Variants in CEP170 observed in about 807,000 individuals in gnomAD.
The protein encoded by CEP170 is centrosomal protein 170, also known as centrosomal protein of 170 kDa.
Under a neutral mutation model 151.9 loss-of-function variants are expected in CEP170, and 21 were observed. The ratio of observed to expected loss-of-function variants is 0.14; its 90% CI spans 0.10 to 0.20. The LOEUF is 0.20. Ranked by LOEUF, CEP170 falls within the 10% of genes least tolerant of loss-of-function variation. CEP170 has a pLI of 1.00. For synonymous variants in CEP170, 356 were observed against 648.8 expected (o/e 0.55, Z 6.86); for missense variants, 964 against 1,892.9 (o/e 0.51, Z 9.11).
At chr1:243,167,519 T>C (rs1224610832) in intron 12 of CEP170, among the ~76,000 whole-genome samples, 1 of 151,790 alleles carries the variant, frequency 6.6e-6, no homozygotes, top group Non-Finnish European at 1.5e-5. Context: ...TTCCTGACTA[T>C]TAAAAATGGA....
intron 13 of CEP170, among the ~76,000 whole-genome samples, chr1:243,157,511 G>GA (rs1046392134): frequency 2.6e-5 from 4 of 151,818 alleles, no homozygotes; most frequent in African/African-American, 7.3e-5. Flanking sequence ...AAATATTTTT[G>GA]AAAAAAATGT....
At chr1:243,239,977 C>A (rs1343156482) in intron 1 of CEP170, among the ~76,000 whole-genome samples, 5 of 152,256 alleles carry the variant, frequency 3.3e-5, no homozygotes, top group African/African-American at 1.2e-4. Context: ...GGCCAATAGC[C>A]ATACTAGAAA....
At chr1:243,226,211 C>CCTA (rs2063288741) in intron 1 of CEP170, among the ~76,000 whole-genome samples, 1 of 126,844 alleles carries the variant, frequency 7.9e-6, no homozygotes, top group African/African-American at 3.3e-5. Context: ...ATATATATAT[C>CCTA]TATAGAGAGA....
At chr1:243,232,093 G>A (rs2063818669) in intron 1 of CEP170, among the ~76,000 whole-genome samples, 1 of 151,988 alleles carries the variant, frequency 6.6e-6, no homozygotes, top group Admixed American at 6.6e-5. Context: ...ACCTTCTTGA[G>A]TAACGGGGAC....
chr1:243,238,295 A>T (rs1025577778), intron 1 of CEP170, among the ~76,000 whole-genome samples: 4 of 151,948 alleles, frequency 2.6e-5, no homozygotes, highest in East Asian at 3.9e-4. Flanking sequence ...ACAAAAAAAT[A>T]AAAAAAATAA....
intron 16 of CEP170, among the ~76,000 whole-genome samples, chr1:243,137,910 G>T (rs896845197): frequency 5.9e-5 from 9 of 151,864 alleles, no homozygotes; most frequent in Admixed American, 2.6e-4. Context: ...GGTAATAAAA[G>T]TTTATTTAGG....
chr1:243,215,497 C>T (rs1380085133), intron 3 of CEP170, among the ~76,000 whole-genome samples: 3 of 152,112 alleles, frequency 2.0e-5, no homozygotes, highest in Non-Finnish European at 4.4e-5. Flanking sequence ...CTGTCTTTTA[C>T]GGTTGGAGAT....
chr1:243,212,668 T>A (rs1446117260), intron 3 of CEP170, among the ~76,000 whole-genome samples: 1 of 142,562 alleles, frequency 7.0e-6, no homozygotes, highest in Non-Finnish European at 1.5e-5. Context: ...TAAGCCACAT[T>A]TACTATTATA....
intron 4 of CEP170, among the ~76,000 whole-genome samples, chr1:243,210,060 C>T (rs1033374303): frequency 6.6e-5 from 10 of 152,170 alleles, no homozygotes; most frequent in African/African-American, 2.4e-4. Flanking sequence ...GTAGTTATGG[C>T]TCAACACTAA....
intron 13 of CEP170, among the ~76,000 whole-genome samples, chr1:243,161,940 C>G (rs1200514136): frequency 1.3e-5 from 2 of 151,984 alleles, no homozygotes; most frequent in African/African-American, 2.4e-5. Flanking sequence ...TTTGTTTGAC[C>G]ACCTTTTCCA....
chr1:243,220,528 A>AG (rs2062702557), intron 3 of CEP170, among the ~76,000 whole-genome samples: 1 of 152,252 alleles, frequency 6.6e-6, no homozygotes, highest in Non-Finnish European at 1.5e-5. Context: ...AAAGTCCTTC[A>AG]GTAGCAGGCC....
intron 11 of CEP170, among the ~76,000 whole-genome samples, chr1:243,172,368 C>T (rs2058909095): frequency 6.6e-6 from 1 of 152,184 alleles, no homozygotes; most frequent in African/African-American, 2.4e-5. Flanking sequence ...AGTGCGGTGA[C>T]TCATGCCTGT....
chr1:243,200,382 T>C, intron 6 of CEP170, 136 bp downstream of exon 6: 1 of 744,822 alleles, frequency 1.3e-6, no homozygotes, highest in Non-Finnish European at 2.2e-6. Flanking sequence ...AAAGCACTGG[T>C]AGCATTAAAA....
intron 1 of CEP170, among the ~76,000 whole-genome samples, chr1:243,249,651 CTTGA>C (rs201076331): frequency 0.011 from 1,626 of 152,166 alleles, 11 homozygotes; most frequent in Non-Finnish European, 0.017. Context: ...GTCTCTTTAC[CTTGA>C]TTAATTTTTC....
At chr1:243,151,048 C>T (rs1332540636) in intron 14 of CEP170, among the ~76,000 whole-genome samples, 1 of 152,184 alleles carries the variant, frequency 6.6e-6, no homozygotes, top group Non-Finnish European at 1.5e-5. Flanking sequence ...ATTTGCAGCT[C>T]CCTCACCATT....
intron 14 of CEP170, among the ~76,000 whole-genome samples, chr1:243,148,755 A>G (rs1316667992): frequency 2.6e-5 from 4 of 152,258 alleles, no homozygotes; most frequent in Non-Finnish European, 5.9e-5. Flanking sequence ...GGTTCACAAA[A>G]AAAAGTTTCC....
In CEP170 at chr1:243,202,239, A is replaced by G. The variant is rs192205552; in HGVS notation, c.275-1404T>C. 2.1e-4 allele frequency among the ~76,000 whole-genome samples: 32 copies of G among 152,284 alleles called. No individual in the cohort carries two copies. The East Asian group carries it at 6.2e-3, about 29-fold the overall frequency. The stretch of plus-strand genomic sequence containing the variant: ...CCACATGTCCTCACTTCCAAGTGGG[A>G]CCTAAGCTATGGGTACACAAAGGCA... On this transcript the variant is annotated intron_variant, in intron 4 of 19. Transcript: ENST00000366542.
chr1:243,224,535 T>C (rs1260075292), intron 2 of CEP170, among the ~76,000 whole-genome samples: 1 of 152,182 alleles, frequency 6.6e-6, no homozygotes, highest in East Asian at 1.9e-4. Context: ...TTCAAAGCCG[T>C]CCTGGGCCTC....
At chr1:243,231,667 A>T (rs1284389654) in intron 1 of CEP170, among the ~76,000 whole-genome samples, 1 of 152,214 alleles carries the variant, frequency 6.6e-6, no homozygotes. Context: ...CGCCAAGGTA[A>T]CCACTAAGAA....
Sources: gnomAD v4.1 joint callset for allele counts (sites outside exome capture counted in the v4.1 genomes callset) on GRCh38, gnomAD v4.1.1 for gene constraint, MANE v1.5 for transcripts, NCBI Gene and HGNC (gene_info 2026-07-23, HGNC 2026-07-21) for gene names.